Variants in PTPN11 observed in about 807,000 individuals in gnomAD.
PTPN11 encodes tyrosine-protein phosphatase non-receptor type 11.
PTPN11 carries 6 observed loss-of-function variants against 78.8 expected under a neutral mutation model. That is an observed-to-expected ratio of 0.08 (90% CI 0.04 to 0.15). The LOEUF is 0.15. PTPN11 is among the 10% of genes least tolerant of loss of function. PTPN11 has a pLI of 1.00. For missense variants in PTPN11, 386 were observed against 744.8 expected (o/e 0.52, Z 5.61); for synonymous variants, 221 against 263.5 (o/e 0.84, Z 1.56).
rs1193532269 is a variant in PTPN11 at position 112,508,916 on chromosome 12, T to G, written c.*3124T>G. The G allele has an allele frequency of 6.6e-6, 1 of 152,172 alleles. No individual in the cohort carries two copies. Among genetic ancestry groups the G allele is most frequent in the African/African-American group, 2.4e-5 (1 of 41,438 alleles). The allele number at this position is 152,172 out of a possible 1,614,324, so 9.4% of individuals were successfully genotyped here. The stretch of plus-strand genomic sequence containing the variant: ...AAACAGCCAGGAAAATGGTCAAGAT[T>G]ATTTTTAGAGGTTATTTTATTGGGG... On this transcript the variant is annotated 3_prime_UTR_variant, in exon 16 of 16. Coordinates refer to ENST00000351677, the MANE Select transcript of PTPN11 (RefSeq NM_002834.5).
At chr12:112,441,011 T>G (rs1366348085) in intron 1 of PTPN11, among the ~76,000 whole-genome samples, 1 of 150,062 alleles carries the variant, frequency 6.7e-6, no homozygotes, top group Non-Finnish European at 1.5e-5. Flanking sequence ...TTGCCCAGGC[T>G]AGAGTGCAGT....
chr12:112,432,041 A>T (rs1179131929), intron 1 of PTPN11, among the ~76,000 whole-genome samples: 1 of 152,218 alleles, frequency 6.6e-6, no homozygotes, highest in East Asian at 1.9e-4. Context: ...CTAATAGGAA[A>T]TGAGCAACGA....
At chr12:112,431,140 G>A (rs2037706665) in intron 1 of PTPN11, among the ~76,000 whole-genome samples, 7 of 152,252 alleles carry the variant, frequency 4.6e-5, no homozygotes, top group African/African-American at 1.7e-4. Flanking sequence ...GTGAAACTGT[G>A]TGGATGTAGG....
chr12:112,438,744 A>G (rs1389220167), intron 1 of PTPN11, among the ~76,000 whole-genome samples: 1 of 152,108 alleles, frequency 6.6e-6, no homozygotes, highest in East Asian at 1.9e-4. Context: ...TGGCCTCCCA[A>G]AGTGCTGGGA....
intron 1 of PTPN11, among the ~76,000 whole-genome samples, chr12:112,425,202 T>C (rs540206802): frequency 1.3e-5 from 2 of 152,134 alleles, no homozygotes; most frequent in African/African-American, 2.4e-5. Flanking sequence ...TATTGCATTA[T>C]TGTTGAGATG....
At chr12:112,497,511 C>T (rs746108541) in intron 13 of PTPN11, among the ~76,000 whole-genome samples, 1 of 152,182 alleles carries the variant, frequency 6.6e-6, no homozygotes, top group Non-Finnish European at 1.5e-5. Flanking sequence ...CCTATGTGCC[C>T]TATTGTTTCT....
At chr12:112,496,508 C>A (rs1371484118) in intron 13 of PTPN11, among the ~76,000 whole-genome samples, 1 of 152,094 alleles carries the variant, frequency 6.6e-6, no homozygotes, top group Non-Finnish European at 1.5e-5. Context: ...TCCATGGATT[C>A]ATATATATCT....
intron 6 of PTPN11, 120 bp from the exon 7 acceptor site, chr12:112,472,824 C>T (rs527684492): frequency 7.6e-5 from 66 of 865,126 alleles, no homozygotes; most frequent in Admixed American, 4.7e-4. Flanking sequence ...TTGTAGCTAT[C>T]GCACACAATT....
intron 1 of PTPN11, among the ~76,000 whole-genome samples, chr12:112,430,629 G>A (rs1049804895): frequency 2.0e-5 from 3 of 151,234 alleles, no homozygotes; most frequent in Admixed American, 6.6e-5. Context: ...CTAGAGATGA[G>A]GTCTCACTAT....
At chr12:112,426,259 CTT>C (rs1013214576) in intron 1 of PTPN11, among the ~76,000 whole-genome samples, 1 of 150,116 alleles carries the variant, frequency 6.7e-6, no homozygotes, top group Non-Finnish European at 1.5e-5. Context: ...TTTGTAAACT[CTT>C]TTTTTTTTCT....
chr12:112,422,887 C>T (rs1005111383), intron 1 of PTPN11, among the ~76,000 whole-genome samples: 8 of 152,144 alleles, frequency 5.3e-5, no homozygotes, highest in Admixed American at 2.6e-4. Context: ...CCTAGCAGGC[C>T]GTGGTGTACT....
At chr12:112,466,309 G>C (rs1408686797) in intron 6 of PTPN11, among the ~76,000 whole-genome samples, 1 of 152,194 alleles carries the variant, frequency 6.6e-6, no homozygotes, top group African/African-American at 2.4e-5. Context: ...AGAGGGAACA[G>C]CAAGTGCAAA....
intron 13 of PTPN11, among the ~76,000 whole-genome samples, chr12:112,494,800 T>C (rs577725037): frequency 2.0e-5 from 3 of 152,370 alleles, no homozygotes; most frequent in South Asian, 2.1e-4. Context: ...CCCTGACTTA[T>C]GATGGTTCGA....
At chr12:112,491,944 T>A (rs1314822118) in intron 13 of PTPN11, among the ~76,000 whole-genome samples, 2 of 152,232 alleles carry the variant, frequency 1.3e-5, no homozygotes, top group Non-Finnish European at 2.9e-5. Flanking sequence ...TGGGCTCAAG[T>A]GACCCTCCCG....
chr12:112,455,926 A>G (rs905837482), intron 5 of PTPN11, 24 bp from the exon 6 acceptor site: 2 of 1,177,422 alleles, frequency 1.7e-6, no homozygotes, highest in African/African-American at 3.7e-5. Context: ...TCTTTATTTT[A>G]CATCAACTGC....
At chr12:112,443,776 C>G (rs1826640790) in intron 1 of PTPN11, among the ~76,000 whole-genome samples, 1 of 151,764 alleles carries the variant, frequency 6.6e-6, no homozygotes, top group African/African-American at 2.4e-5. Context: ...CCTCAGCCTC[C>G]TTAGTAGCTG....
chr12:112,423,632 T>C (rs2037558351), intron 1 of PTPN11, among the ~76,000 whole-genome samples: 1 of 152,208 alleles, frequency 6.6e-6, no homozygotes, highest in South Asian at 2.1e-4. Context: ...AGAATGTATG[T>C]GTATATATGT....
At chr12:112,465,689 C>G (rs913652472) in intron 6 of PTPN11, among the ~76,000 whole-genome samples, 8 of 152,148 alleles carry the variant, frequency 5.3e-5, no homozygotes, top group Non-Finnish European at 1.0e-4. Flanking sequence ...TTTTCTGCTT[C>G]TTGACTTACA....
rs1192158201 is a variant in PTPN11, at chr12:112,509,406, G to A, written c.*3614G>A. The A allele has an allele frequency of 6.6e-6, 1 of 152,604 alleles. No homozygotes were observed. The highest frequency in any genetic ancestry group is 1.9e-4 in the East Asian group (1 of 5,180). The allele number at this position is 152,604 out of a possible 1,614,324, so 9.5% of individuals were successfully genotyped here. On this transcript the variant is annotated 3_prime_UTR_variant, in exon 16 of 16. Coordinates refer to ENST00000351677, the MANE Select transcript of PTPN11 (RefSeq NM_002834.5). ...CCTCAAATCATGTAATTAATAATTTGCCTGTTTATTTATGACCTAATTGTG... is the reference window on the plus strand; with the variant it reads ...CCTCAAATCATGTAATTAATAATTTACCTGTTTATTTATGACCTAATTGTG...
Sources: allele counts gnomAD v4.1 joint callset (sites outside exome capture counted in the v4.1 genomes callset), GRCh38; gene constraint gnomAD v4.1.1; transcripts MANE v1.5; gene names NCBI Gene and HGNC (gene_info 2026-07-23, HGNC 2026-07-21).